ADCY1: variants seen among roughly 807,000 people sequenced by gnomAD.
The protein encoded by ADCY1 is adenylate cyclase type 1.
In ADCY1, 28 loss-of-function variants were observed where a neutral mutation model predicts 105.4. The observed-to-expected ratio is 0.27, with a 90% CI of 0.20 to 0.36. The LOEUF is 0.36. Ranked by LOEUF, ADCY1 falls within the 10% of genes least tolerant of loss-of-function variation. The probability of loss-of-function intolerance (pLI) is 1.00; values close to 1 mark genes in which losing one functional copy is unlikely to be tolerated. For missense variants in ADCY1, 977 were observed against 1,434.2 expected, an observed-to-expected ratio of 0.68 and a Z score of 5.15; for synonymous variants, 655 against 623.8, an observed-to-expected ratio of 1.05 and a Z score of -0.75.
chr7:45,622,698 G>A lies in ADCY1; in HGVS notation c.975G>A (p.Val325=). 1 of 1,609,634 alleles carries A rather than the reference G, an allele frequency of 6.2e-7. No individual in the cohort carries two copies. ...CCCAGTGCACAGCCCAGGAGCTGGT[G>A]AAACTCCTCAATGAGCTCTTCGGCA... ...LASQCTAQEL[V]KLLNELFGKF... Residue 325 remains valine (V), a synonymous_variant, in exon 4 of 20, where the codon GTG becomes GTA. Coordinates refer to ENST00000297323, the MANE Select transcript of ADCY1 (RefSeq NM_021116.4).
At chr7:45,635,611 T>TTTG (rs1794382121) in intron 4 of ADCY1, among the ~76,000 whole-genome samples, 1 of 138,648 alleles carries the variant, frequency 7.2e-6, no homozygotes, top group Non-Finnish European at 1.6e-5. Flanking sequence ...GTTTTTTTTT[T>TTTG]TTTTTTTTTT....
At chr7:45,664,378 T>G (rs1211662964) in intron 8 of ADCY1, 5 of 1,535,908 alleles carry the variant, frequency 3.3e-6, no homozygotes, top group Non-Finnish European at 4.4e-6. Context: ...GCACGTAGCT[T>G]CAGGTCCTGC....
intron 4 of ADCY1, among the ~76,000 whole-genome samples, chr7:45,634,960 G>C (rs1470838240): frequency 2.0e-5 from 3 of 152,238 alleles, no homozygotes; most frequent in Non-Finnish European, 4.4e-5. Context: ...ACTCATAGAC[G>C]AGTTTGGGAA....
At chr7:45,702,354 A>G (rs1397906834) in intron 14 of ADCY1, among the ~76,000 whole-genome samples, 3 of 152,354 alleles carry the variant, frequency 2.0e-5, no homozygotes, top group Non-Finnish European at 2.9e-5. Flanking sequence ...GTGAGGCTGC[A>G]TCTGCTGGCC....
In ADCY1 at chr7:45,708,255, T is replaced by A; in HGVS notation, c.2818-95T>A. 3 of 770,508 alleles carry A rather than the reference T, an allele frequency of 3.9e-6. No individual in the cohort carries two copies. The Admixed American group carries it at 6.4e-5, about 16-fold the overall frequency. 47.7% of individuals were successfully genotyped at this position (770,508 alleles called of 1,614,324 possible). A position where few individuals can be genotyped will look rare whatever the true frequency, so the allele number is the denominator to read the frequency against. On this transcript the variant is annotated intron_variant, in intron 17 of 19. Coordinates refer to ENST00000297323, the MANE Select transcript of ADCY1 (RefSeq NM_021116.4). The surrounding 1 kb of genome is among the most constrained non-coding windows in gnomAD (Gnocchi z 4.7). ...TAGCCAGGCACTCAGAGTGCCTTCC[T>A]CTGAAAGTGCAGCTGTTGGGCACTG...
At position 45,575,308 on chromosome 7, in the gene ADCY1, G is replaced by C; in HGVS notation, c.639+126G>C. On this transcript the variant is annotated intron_variant, in intron 1 of 19. Transcript: ENST00000297323. This position sits in a 1 kb window ranked among gnomAD's most constrained non-coding sequence, Gnocchi z 4.7. ...GGGGACACTGAGGCTCCGAGTGGGGGTGTGTTCAAGGTCACTCCTACGAGT... is the reference window on the plus strand; with the variant it reads ...GGGGACACTGAGGCTCCGAGTGGGGCTGTGTTCAAGGTCACTCCTACGAGT... 1 of 1,236,386 alleles carries C rather than the reference G, an allele frequency of 8.1e-7. No individual in the cohort carries two copies. Among genetic ancestry groups the C allele is most frequent in the Non-Finnish European group, 1.1e-6 (1 of 915,860 alleles). The allele number at this position is 1,236,386 out of a possible 1,614,324, so 76.6% of individuals were successfully genotyped here.
intron 1 of ADCY1, among the ~76,000 whole-genome samples, chr7:45,584,073 GA>G (rs1457106954): frequency 6.6e-6 from 1 of 150,744 alleles, no homozygotes; most frequent in African/African-American, 2.4e-5. Flanking sequence ...TCAGCTTCCA[GA>G]GTAGGTAGAG....
In ADCY1 at chr7:45,681,548, G is replaced by A. The variant is rs185840557; in HGVS notation, c.1983+1755G>A. 1.9e-3 allele frequency among the ~76,000 whole-genome samples: 294 copies of A among 152,326 alleles called. 1 individual carries two copies. Among genetic ancestry groups the A allele is most frequent in the African/African-American group, 6.8e-3 (284 of 41,576 alleles). On this transcript the variant is annotated intron_variant, in intron 11 of 19. Transcript: ENST00000297323. Reference sequence around the variant, plus strand: ...AGTGGTGCTTGCGGCTGTTGTGGAAGAAGCAGAGTGGAGACTAAGTGCCCA... The same window carrying A: ...AGTGGTGCTTGCGGCTGTTGTGGAAAAAGCAGAGTGGAGACTAAGTGCCCA...
chr7:45,648,499 G>A (rs1794725148), intron 4 of ADCY1, among the ~76,000 whole-genome samples, 171 bp from the exon 5 acceptor site: 1 of 152,250 alleles, frequency 6.6e-6, no homozygotes, highest in Non-Finnish European at 1.5e-5. Flanking sequence ...CAGCCCTCAA[G>A]ACTGTGCTGA....
chr7:45,637,677 A>C (rs143400088), intron 4 of ADCY1, among the ~76,000 whole-genome samples: 174 of 152,342 alleles, frequency 1.1e-3, no homozygotes, highest in African/African-American at 4.0e-3. Context: ...GCGAACTATG[A>C]TCACATCACT....
intron 5 of ADCY1, among the ~76,000 whole-genome samples, chr7:45,656,341 C>G (rs1316663700): frequency 6.6e-6 from 1 of 151,964 alleles, no homozygotes; most frequent in Non-Finnish European, 1.5e-5. Flanking sequence ...TGTAAAACTA[C>G]ATAGGTATTA....
At chr7:45,616,391 T>C (rs1303941931) in intron 3 of ADCY1, among the ~76,000 whole-genome samples, 1 of 152,200 alleles carries the variant, frequency 6.6e-6, no homozygotes, top group East Asian at 1.9e-4. Context: ...CAAATATCCC[T>C]GATAAATATA....
At chr7:45,670,216 C>G (rs1784337277) in intron 8 of ADCY1, among the ~76,000 whole-genome samples, 1 of 152,186 alleles carries the variant, frequency 6.6e-6, no homozygotes. Flanking sequence ...ATCCCTGTGG[C>G]CTTGGGCTGT....
chr7:45,602,300 C>T (rs1237542927), intron 2 of ADCY1, among the ~76,000 whole-genome samples: 1 of 151,954 alleles, frequency 6.6e-6, no homozygotes, highest in Non-Finnish European at 1.5e-5. Flanking sequence ...AAGTCTGTGC[C>T]TGTCGCAGCT....
rs572717474 is a variant in ADCY1, at chr7:45,626,966, A to G, written c.1020+4223A>G. Among the ~76,000 whole-genome samples, 20 of 152,298 alleles carry G rather than the reference A, an allele frequency of 1.3e-4. No individual in the cohort carries two copies. In the South Asian group the frequency reaches 2.1e-3, roughly 16 times the overall value. ...TAGAGGGCCAGAAGGAGATGCTCCAATGTGAGCAGATGCAGGCACAAGGGG... is the reference window on the plus strand; with the variant it reads ...TAGAGGGCCAGAAGGAGATGCTCCAGTGTGAGCAGATGCAGGCACAAGGGG... On this transcript the variant is annotated intron_variant, in intron 4 of 19. Transcript: ENST00000297323.
intron 4 of ADCY1, among the ~76,000 whole-genome samples, chr7:45,623,001 C>T (rs1405743219): frequency 6.6e-6 from 1 of 152,210 alleles, no homozygotes; most frequent in African/African-American, 2.4e-5. Context: ...GGCTTCCATG[C>T]AGAAGGCTTT....
chr7:45,604,898 T>C (rs1322376002), intron 2 of ADCY1, among the ~76,000 whole-genome samples: 2 of 152,340 alleles, frequency 1.3e-5, no homozygotes, highest in Non-Finnish European at 2.9e-5. Context: ...ATTAAAACTG[T>C]ATATCAATTT....
At chr7:45,655,529 C>T (rs965784741) in intron 5 of ADCY1, among the ~76,000 whole-genome samples, 1 of 152,168 alleles carries the variant, frequency 6.6e-6, no homozygotes, top group Non-Finnish European at 1.5e-5. Flanking sequence ...ATGGTGAAAC[C>T]AAGAGGAGTC....
Position 45,600,698 on chromosome 7 carries a change from A to C in ADCY1, c.789+7790A>C, listed in dbSNP as rs190960774. ...ATTTCCTCACAGTTCTGGAGGCTGCAGAGTCCAAGATCAAGGTGTTGTCAG... is the reference window on the plus strand; with the variant it reads ...ATTTCCTCACAGTTCTGGAGGCTGCCGAGTCCAAGATCAAGGTGTTGTCAG... On this transcript the variant is annotated intron_variant, in intron 2 of 19. Coordinates refer to ENST00000297323, the MANE Select transcript of ADCY1 (RefSeq NM_021116.4). Among the ~76,000 whole-genome samples the C allele has an allele frequency of 1.6e-4, 24 of 152,362 alleles. No individual in the cohort carries two copies. In the East Asian group the frequency reaches 1.7e-3, roughly 11 times the overall value.
Sources: gnomAD v4.1 joint callset for allele counts (sites outside exome capture counted in the v4.1 genomes callset) on GRCh38, gnomAD v4.1.1 for gene constraint, Gnocchi (gnomAD v3.1) non-coding constraint, MANE v1.5 for transcripts, NCBI Gene and HGNC (gene_info 2026-07-23, HGNC 2026-07-21) for gene names.